The following FLT1 variants were observed in gnomAD, a reference collection of about 807,000 sequenced individuals.
FLT1 encodes fms related receptor tyrosine kinase 1, also known as vascular endothelial growth factor receptor 1.
Under a neutral mutation model 156.3 loss-of-function variants are expected in FLT1, and 49 were observed. The observed-to-expected ratio is 0.31, with a 90% CI of 0.25 to 0.40. The LOEUF (loss-of-function observed/expected upper bound fraction) is 0.40. Ranked by LOEUF, FLT1 falls within the 10% of genes least tolerant of loss-of-function variation. The pLI is 1.00. For synonymous variants in FLT1, 594 were observed against 583.8 expected (o/e 1.02, Z -0.25); for missense variants, 1,322 against 1,637.2 (o/e 0.81, Z 3.32).
chr13:28,309,019 T>C lies in FLT1; in HGVS notation c.3636-92A>G, dbSNP rs189287342. 9.8e-4 allele frequency: 746 copies of C among 757,404 alleles called. 3 individuals carry two copies. The highest frequency in any genetic ancestry group is 7.3e-3 in the African/African-American group (430 of 58,708). The allele number at this position is 757,404 out of a possible 1,614,324, so 46.9% of individuals were successfully genotyped here. ...CACAGGCACCATATCCCAGCTAAGA[T>C]GAACCAACACACCAACAGGAATCAC... On this transcript the variant is annotated intron_variant, in intron 27 of 29. Coordinates refer to ENST00000282397, the MANE Select transcript of FLT1 (RefSeq NM_002019.4).
chr13:28,495,046 C>T lies in FLT1; in HGVS notation c.-203G>A. 1 of 474,900 alleles carries T rather than the reference C, an allele frequency of 2.1e-6. No individual in the cohort carries two copies. 29.4% of individuals were successfully genotyped at this position (474,900 alleles called of 1,614,324 possible). On this transcript the variant is annotated 5_prime_UTR_variant, in exon 1 of 30. Coordinates refer to ENST00000282397, the MANE Select transcript of FLT1 (RefSeq NM_002019.4). The surrounding 1 kb of genome is among the most constrained non-coding windows in gnomAD (Gnocchi z 4.1). ...GGCCGCTGCACCCGAGCCCCGGAGC[C>T]CGCTCCGAGCCGCCGCCGCTGCCGG...
At chr13:28,461,195 A>G (rs1208816813) in intron 3 of FLT1, among the ~76,000 whole-genome samples, 1 of 151,942 alleles carries the variant, frequency 6.6e-6, no homozygotes, top group Non-Finnish European at 1.5e-5. Context: ...CCATTAATGA[A>G]TTTGGAGGCA....
chr13:28,381,568 C>T (rs1288858779), intron 14 of FLT1, among the ~76,000 whole-genome samples: 1 of 152,072 alleles, frequency 6.6e-6, no homozygotes, highest in African/African-American at 2.4e-5. Flanking sequence ...CAAAAACAAA[C>T]AAACAAACAA....
At chr13:28,413,738 G>A (rs1390193143) in intron 10 of FLT1, among the ~76,000 whole-genome samples, 3 of 152,202 alleles carry the variant, frequency 2.0e-5, no homozygotes, top group African/African-American at 4.8e-5. Flanking sequence ...CTCACAAAAA[G>A]GAAGAGAACA....
At chr13:28,442,493 C>T (rs773305242) in intron 3 of FLT1, among the ~76,000 whole-genome samples, 14 of 152,130 alleles carry the variant, frequency 9.2e-5, no homozygotes, top group Non-Finnish European at 1.8e-4. Flanking sequence ...TACTGTGGAT[C>T]CCCAAAAAAC....
chr13:28,325,015 C>A (rs903852494), intron 20 of FLT1, among the ~76,000 whole-genome samples: 4 of 152,202 alleles, frequency 2.6e-5, no homozygotes, highest in Admixed American at 6.5e-5. Context: ...ATGAAGTATT[C>A]CATTTTCAAT....
At chr13:28,470,029 G>C (rs189458057) in intron 1 of FLT1, among the ~76,000 whole-genome samples, 31 of 152,226 alleles carry the variant, frequency 2.0e-4, no homozygotes, top group Non-Finnish European at 3.7e-4. Context: ...GTTGAGATTA[G>C]AGGCATGAGC....
intron 27 of FLT1, among the ~76,000 whole-genome samples, chr13:28,311,203 C>T (rs1387084445): frequency 6.6e-6 from 1 of 152,148 alleles, no homozygotes; most frequent in South Asian, 2.1e-4. Flanking sequence ...GTGATCCTCC[C>T]ACCTCAGTCT....
chr13:28,405,383 A>G (rs1041430753), intron 11 of FLT1, among the ~76,000 whole-genome samples: 4 of 152,138 alleles, frequency 2.6e-5, no homozygotes, highest in Non-Finnish European at 4.4e-5. Context: ...ATCCCACTTT[A>G]TGTACATCAG....
intron 14 of FLT1, among the ~76,000 whole-genome samples, chr13:28,384,556 AAACT>A (rs1339247533): frequency 6.6e-6 from 1 of 152,208 alleles, no homozygotes; most frequent in Non-Finnish European, 1.5e-5. Context: ...CAAAGCCAAG[AAACT>A]AACTGCTCAC....
rs1335482998 is a variant in FLT1 at position 28,389,846 on chromosome 13, T to C, written c.1919A>G (p.Asn640Ser). ...DSGTYACRAR[N>S]VYTGEEILQK... The stretch of plus-strand genomic sequence containing the variant: ...GAGGATTTCTTCCCCTGTGTATACA[T>C]TCCTGGCTCTGCAGGCATAGGTGCC... The change falls in exon 13 of 30, where the codon AAT (asparagine) becomes AGT (serine). Residue 640 changes from asparagine (N) to serine (S), a missense_variant. Physicochemically the swap from Asn to Ser is conservative, Grantham distance 46. Coordinates refer to ENST00000282397, the MANE Select transcript of FLT1 (RefSeq NM_002019.4). The C allele has an allele frequency of 1.2e-6, 2 of 1,614,204 alleles. No individual in the cohort carries two copies. Among genetic ancestry groups the C allele is most frequent in the East Asian group, 4.5e-5 (2 of 44,888 alleles).
At chr13:28,430,666 T>C (rs777528376) in intron 7 of FLT1, among the ~76,000 whole-genome samples, 1 of 152,210 alleles carries the variant, frequency 6.6e-6, no homozygotes, top group Non-Finnish European at 1.5e-5. Flanking sequence ...ATTTTCTTTA[T>C]AGAATTTGCA....
At chr13:28,379,142 A>G (rs902105126) in intron 14 of FLT1, among the ~76,000 whole-genome samples, 1 of 152,162 alleles carries the variant, frequency 6.6e-6, no homozygotes, top group African/African-American at 2.4e-5. Flanking sequence ...CAGGAGTTCA[A>G]GACCAGCCTG....
In FLT1 at chr13:28,344,948, T is replaced by C. The variant is rs537927924; in HGVS notation, c.2355+497A>G. ...TCCCGAGTAGCTGGGACTACAGGTG[T>C]GCACCACCATACCTGCCTAAGTTTT... is the stretch of plus-strand genomic sequence containing the variant. On this transcript the variant is annotated intron_variant, in intron 16 of 29. Coordinates refer to ENST00000282397, the MANE Select transcript of FLT1 (RefSeq NM_002019.4). Among the ~76,000 whole-genome samples the C allele has an allele frequency of 1.3e-4, 19 of 151,860 alleles. No individual in the cohort carries two copies. In the South Asian group the frequency reaches 2.9e-3, roughly 23 times the overall value.
Position 28,322,915 on chromosome 13 carries a change from T to C in FLT1, c.2828A>G (p.Glu943Gly). ...DAALHMEPKKEKMEPGLEQGK... is the reference protein window; with the variant it reads ...DAALHMEPKKGKMEPGLEQGK... ...TTGTTCCAGGCCTGGCTCCATTTTT[T>C]CTTTCTTAGGCTCCATGTGTAGTGC... is the stretch of plus-strand genomic sequence containing the variant. Residue 943 changes from glutamate (E) to glycine (G), a missense_variant, in exon 21 of 30, where the codon GAA becomes GGA. Physicochemically the swap from Glu to Gly is moderately conservative, Grantham distance 98. This residue lies in a region of FLT1 where 991 missense variants were observed against 1,254.8 expected (regional missense o/e 0.79). Transcript: ENST00000282397. The surrounding 1 kb of genome is among the most constrained non-coding windows in gnomAD (Gnocchi z 4.3). 1 of 1,614,172 alleles carries C rather than the reference T, an allele frequency of 6.2e-7. No homozygotes were observed. Among genetic ancestry groups the C allele is most frequent in the Non-Finnish European group, 8.5e-7 (1 of 1,180,030 alleles).
chr13:28,467,285 G>C (rs984691680), intron 2 of FLT1, among the ~76,000 whole-genome samples, 156 bp from the exon 3 acceptor site: 1 of 152,036 alleles, frequency 6.6e-6, no homozygotes, highest in Non-Finnish European at 1.5e-5. Context: ...AAAAGCTGTA[G>C]AACAATACTC....
At chr13:28,389,082 A>T (rs1874541621) in intron 13 of FLT1, 2 of 1,064,454 alleles carry the variant, frequency 1.9e-6, no homozygotes, top group Non-Finnish European at 2.3e-6. Flanking sequence ...TCTGAATTAC[A>T]CCAACATCTT....
At chr13:28,312,471 C>A (rs1264349829) in intron 25 of FLT1, among the ~76,000 whole-genome samples, 1 of 151,890 alleles carries the variant, frequency 6.6e-6, no homozygotes, top group Non-Finnish European at 1.5e-5. Flanking sequence ...GTGGAGTACT[C>A]CTCCCCACAC....
intron 14 of FLT1, chr13:28,368,797 C>T (rs141905764): frequency 1.2e-4 from 65 of 558,806 alleles, no homozygotes; most frequent in East Asian, 1.1e-3. Flanking sequence ...CTCCACCTTC[C>T]GGGTTCAAGC....
Sources: allele counts gnomAD v4.1 joint callset (sites outside exome capture counted in the v4.1 genomes callset), GRCh38; gene constraint gnomAD v4.1.1; regional missense constraint gnomAD v4.1.1; non-coding constraint Gnocchi (gnomAD v3.1); transcripts MANE v1.5; gene names NCBI Gene and HGNC (gene_info 2026-07-23, HGNC 2026-07-21).